UEVLD: variants seen among roughly 807,000 people sequenced by gnomAD.
The protein encoded by UEVLD is UEV and lactate/malate dehyrogenase domains, also known as ubiquitin-conjugating enzyme E2 variant 3.
A neutral mutation model predicts 58.6 loss-of-function variants in UEVLD; 47 were observed. The observed-to-expected ratio is 0.80, with a 90% CI of 0.63 to 1.02. The LOEUF (loss-of-function observed/expected upper bound fraction) is 1.02. UEVLD is among the 50% of genes least tolerant of loss of function. UEVLD has a pLI of 0.00. For missense variants in UEVLD, 510 were observed against 550.6 expected (o/e 0.93, Z 0.74); for synonymous variants, 197 against 195.3 (o/e 1.01, Z -0.07).
intron 7 of UEVLD, among the ~76,000 whole-genome samples, chr11:18,549,530 T>C (rs978667107): frequency 5.3e-5 from 8 of 152,120 alleles, no homozygotes; most frequent in Admixed American, 4.6e-4. Flanking sequence ...GTGATTCTCC[T>C]GCCTCAGCTT....
At chr11:18,543,632 T>TA (rs1475770926) in intron 9 of UEVLD, among the ~76,000 whole-genome samples, 9 of 152,250 alleles carry the variant, frequency 5.9e-5, no homozygotes, top group Middle Eastern at 3.2e-3. Flanking sequence ...CTTTGGCACT[T>TA]ACTCTAATAG....
intron 7 of UEVLD, among the ~76,000 whole-genome samples, chr11:18,555,529 G>A (rs1471079713): frequency 1.3e-5 from 2 of 151,958 alleles, no homozygotes; most frequent in African/African-American, 2.4e-5. Flanking sequence ...TCCAGGCTTC[G>A]GTGAGCCATG....
rs530523051 is a variant in UEVLD, at chr11:18,544,462, C to T, written c.1060+161G>A. Among the ~76,000 whole-genome samples the T allele has an allele frequency of 5.1e-4, 76 of 149,648 alleles. 2 individuals are homozygous for T. The highest frequency in any genetic ancestry group is 1.7e-3 in the African/African-American group (70 of 41,378). On this transcript the variant is annotated intron_variant, in intron 9 of 11. Transcript: ENST00000396197. ...AACTGGGACTACAGGCATGCACTAC[C>T]GTGCCTGGCTAATTTTTTATCTTTT...
chr11:18,564,597 T>C (rs545686829), intron 6 of UEVLD, among the ~76,000 whole-genome samples: 1 of 152,118 alleles, frequency 6.6e-6, no homozygotes, highest in East Asian at 1.9e-4. Flanking sequence ...TTAATTAAAG[T>C]GGCATGATTC....
chr11:18,536,297 A>AC (rs1453807861), intron 10 of UEVLD, 109 bp downstream of exon 10: 1 of 993,540 alleles, frequency 1.0e-6, no homozygotes, highest in African/African-American at 1.6e-5. Context: ...GTTTGTCCAT[A>AC]TTAGTTTTGT....
chr11:18,542,699 ATATTT>A (rs1266687841), intron 9 of UEVLD, among the ~76,000 whole-genome samples: 4 of 152,104 alleles, frequency 2.6e-5, no homozygotes, highest in African/African-American at 9.7e-5. Context: ...ATCAATGTTA[ATATTT>A]TATTTTAATG....
chr11:18,536,514 T>C (rs1850802565), intron 9 of UEVLD, 45 bp from the exon 10 acceptor site: 1 of 1,480,462 alleles, frequency 6.8e-7, no homozygotes, highest in Non-Finnish European at 9.4e-7. Flanking sequence ...AGTGACTCTT[T>C]GGATTAAGAT....
At chr11:18,545,436 T>TTTTG (rs1053578319) in intron 8 of UEVLD, among the ~76,000 whole-genome samples, 1 of 150,366 alleles carries the variant, frequency 6.7e-6, no homozygotes, top group East Asian at 2.0e-4. Flanking sequence ...TTTTACTGTG[T>TTTTG]TTTGTTTGTT....
intron 4 of UEVLD, among the ~76,000 whole-genome samples, chr11:18,566,777 G>A (rs1852323135): frequency 1.3e-5 from 2 of 152,116 alleles, no homozygotes; most frequent in South Asian, 2.1e-4. Flanking sequence ...CTGTTGTAAT[G>A]CTTTTCATGA....
rs201615702 is a variant in UEVLD at position 18,588,608 on chromosome 11, C to T, written c.42+5G>A. The T allele has an allele frequency of 4.3e-4, 691 of 1,610,008 alleles. 5 individuals carry two copies. The African/African-American group carries it at 8.4e-3, about 19-fold the overall frequency. On this transcript the variant is annotated splice_donor_5th_base_variant and intron_variant, in intron 1 of 11. Transcript: ENST00000396197. ...ACCCAAACTGGCCCAGCGGACTGCC[C>T]GCACCTTGCCAAGCAGCCGTCTCAG... is the stretch of plus-strand genomic sequence containing the variant.
chr11:18,559,481 G>T (rs1851911393), intron 6 of UEVLD, among the ~76,000 whole-genome samples: 1 of 152,146 alleles, frequency 6.6e-6, no homozygotes, highest in African/African-American at 2.4e-5. Context: ...TTACAGGCAT[G>T]AGCCACTATG....
intron 6 of UEVLD, among the ~76,000 whole-genome samples, chr11:18,560,589 G>C (rs1851987410): frequency 6.6e-6 from 1 of 152,094 alleles, no homozygotes; most frequent in African/African-American, 2.4e-5. Flanking sequence ...CATAAGACTA[G>C]GAACAACAAA....
chr11:18,558,758 G>A (rs1851871715), intron 6 of UEVLD, among the ~76,000 whole-genome samples: 1 of 150,984 alleles, frequency 6.6e-6, no homozygotes, highest in Admixed American at 6.6e-5. Context: ...ACTCCAGCCT[G>A]GGCGATAGAG....
chr11:18,552,872 T>C (rs1364192315), intron 7 of UEVLD, among the ~76,000 whole-genome samples: 4 of 150,336 alleles, frequency 2.7e-5, no homozygotes, highest in Non-Finnish European at 5.9e-5. Flanking sequence ...GAAAAAAAAT[T>C]AGGCTGGGCG....
intron 6 of UEVLD, among the ~76,000 whole-genome samples, chr11:18,559,502 G>A (rs948819780): frequency 3.3e-5 from 5 of 152,004 alleles, no homozygotes; most frequent in African/African-American, 1.2e-4. Context: ...CCTGGCCCCT[G>A]CAGGTTTCTT....
At chr11:18,583,529 A>G (rs1005039151) in intron 1 of UEVLD, among the ~76,000 whole-genome samples, 9 of 152,048 alleles carry the variant, frequency 5.9e-5, no homozygotes, top group African/African-American at 2.2e-4. Context: ...TAGAAGACTG[A>G]TATTTCAAGA....
At chr11:18,548,179 C>T (rs998893900) in intron 7 of UEVLD, among the ~76,000 whole-genome samples, 2 of 152,174 alleles carry the variant, frequency 1.3e-5, no homozygotes, top group Non-Finnish European at 2.9e-5. Context: ...ACTCTGACTC[C>T]AGAGCACCTT....
intron 9 of UEVLD, among the ~76,000 whole-genome samples, chr11:18,537,979 T>C (rs1045003941): frequency 6.6e-6 from 1 of 152,192 alleles, no homozygotes; most frequent in Non-Finnish European, 1.5e-5. Flanking sequence ...TAATATTAAA[T>C]TGAAGTTGCC....
At position 18,546,913 on chromosome 11, in the gene UEVLD, G is replaced by T. The variant is rs780960074; in HGVS notation, c.853C>A (p.Gln285Lys). The T allele has an allele frequency of 6.2e-7, 1 of 1,613,866 alleles. No homozygotes were observed. Among genetic ancestry groups the T allele is most frequent in the Admixed American group, 1.7e-5 (1 of 59,938 alleles). Residue 285 changes from glutamine to lysine, a missense_variant, in exon 8 of 12, where the codon CAA (glutamine) becomes AAA (lysine). By Grantham distance (53) the Gln-to-Lys change is moderately conservative. Coordinates refer to ENST00000396197, the MANE Select transcript of UEVLD (RefSeq NM_001040697.4). ...GATGCAACGAGCAGGACACTGTGTT[G>T]ACTATAATGTCCCAGAGCTGGGACA... ...ALVPALGHYSQHSVLLVASQP... is the reference protein window; with the variant it reads ...ALVPALGHYSKHSVLLVASQP...
Sources: allele counts gnomAD v4.1 joint callset (sites outside exome capture counted in the v4.1 genomes callset), GRCh38; gene constraint gnomAD v4.1.1; transcripts MANE v1.5; gene names NCBI Gene and HGNC (gene_info 2026-07-23, HGNC 2026-07-21).